Variants in POLR1E observed in about 807,000 individuals in gnomAD.
The protein encoded by POLR1E is RNA polymerase I subunit E, also known as DNA-directed RNA polymerase I subunit RPA49.
A neutral mutation model predicts 50.9 loss-of-function variants in POLR1E; 37 were observed. That is an observed-to-expected ratio of 0.73 (90% CI 0.56 to 0.96). The LOEUF (loss-of-function observed/expected upper bound fraction) is 0.96. POLR1E is among the 40% of genes least tolerant of loss of function. The pLI is 0.00. For missense variants in POLR1E, 426 were observed against 518.1 expected (o/e 0.82, Z 1.73); for synonymous variants, 166 against 191.6 (o/e 0.87, Z 1.10).
chr9:37,498,091 C>A lies in POLR1E; in HGVS notation c.753C>A (p.Ser251Arg). The A allele has an allele frequency of 6.2e-7, 1 of 1,613,452 alleles. No individual in the cohort carries two copies. The highest frequency in any genetic ancestry group is 8.5e-7 in the Non-Finnish European group (1 of 1,179,788). The change falls in exon 9 of 12, where the codon AGC (serine) becomes AGA (arginine). Residue 251 changes from serine (S) to arginine (R), a missense_variant and splice_region_variant. Physicochemically the swap from Ser to Arg is moderately radical, Grantham distance 110. Transcript: ENST00000377798. The stretch of plus-strand genomic sequence containing the variant: ...CCTCCTTTTCTTTTCCTTGTTTTAG[C>A]CATTGCACCTTTGTCATAGAAGCGT... ...EEILKMIEEN[S>R]HCTFVIEALK...
Position 37,489,362 on chromosome 9 carries a change from A to C in POLR1E, c.305A>C (p.Tyr102Ser). 6.2e-7 allele frequency: 1 copy of C among 1,600,150 alleles called. No individual in the cohort carries two copies. The highest frequency in any genetic ancestry group is 8.5e-7 in the Non-Finnish European group (1 of 1,176,884). The part of the protein sequence containing the change: ...LNKTSGQMEV[Y>S]DAELFNMQPL... ...AAGACCTCTGGCCAAATGGAAGTAT[A>C]TGATGCTGAATTGTTCAACATGCAG... Residue 102 changes from tyrosine (Y) to serine (S), a missense_variant, in exon 4 of 12, where the codon TAT (tyrosine) becomes TCT (serine). By Grantham distance (144) the Tyr-to-Ser change is moderately radical. Coordinates refer to ENST00000377798, the MANE Select transcript of POLR1E (RefSeq NM_022490.4).
At position 37,503,389 on chromosome 9, in the gene POLR1E, C is replaced by T; in HGVS notation, c.*187C>T. 1.8e-6 allele frequency: 1 copy of T among 560,228 alleles called. No individual in the cohort carries two copies. Among genetic ancestry groups the T allele is most frequent in the East Asian group, 3.4e-5 (1 of 29,140 alleles). The allele number at this position is 560,228 out of a possible 1,614,324, so 34.7% of individuals were successfully genotyped here. A position where few individuals can be genotyped will look rare whatever the true frequency, so the allele number is the denominator to read the frequency against. ...CTCAGGAGTTTGAAACCAGTCTGGACAACATAGGGAGACCCCATCTCTACC... is the reference window on the plus strand; with the variant it reads ...CTCAGGAGTTTGAAACCAGTCTGGATAACATAGGGAGACCCCATCTCTACC... On this transcript the variant is annotated 3_prime_UTR_variant, in exon 12 of 12. Transcript: ENST00000377798.
At chr9:37,490,600 G>A (rs572230525) in intron 4 of POLR1E, 18 of 717,964 alleles carry the variant, frequency 2.5e-5, no homozygotes, top group South Asian at 8.6e-5. Context: ...AAGCTTTCTC[G>A]GCTCTTAGAG....
chr9:37,498,006 G>A, intron 8 of POLR1E, 85 bp from the exon 9 acceptor site: 1 of 1,482,208 alleles, frequency 6.7e-7, no homozygotes, highest in Non-Finnish European at 9.2e-7. Context: ...AGAGGCGCCT[G>A]CTGTTCTCGT....
intron 9 of POLR1E, among the ~76,000 whole-genome samples, chr9:37,500,636 G>T (rs893966032): frequency 2.0e-5 from 3 of 152,120 alleles, no homozygotes; most frequent in South Asian, 2.1e-4. Context: ...AGCATCTCTC[G>T]TGCAGGGCAA....
At chr9:37,491,422 A>G (rs147462984) in intron 4 of POLR1E, among the ~76,000 whole-genome samples, 15 of 152,224 alleles carry the variant, frequency 9.9e-5, no homozygotes, top group African/African-American at 3.4e-4. Flanking sequence ...TGATACACAA[A>G]TACATATATA....
intron 9 of POLR1E, among the ~76,000 whole-genome samples, chr9:37,499,814 T>G (rs1820847342): frequency 6.6e-6 from 1 of 151,194 alleles, no homozygotes; most frequent in Admixed American, 6.6e-5. Flanking sequence ...ATTACAGGCG[T>G]GAGCTACTGC....
At chr9:37,496,208 CAG>C (rs1820782944) in intron 8 of POLR1E, among the ~76,000 whole-genome samples, 1 of 152,094 alleles carries the variant, frequency 6.6e-6, no homozygotes, top group African/African-American at 2.4e-5. Flanking sequence ...TGCGACAGGG[CAG>C]AGGGTGGTGA....
intron 4 of POLR1E, among the ~76,000 whole-genome samples, chr9:37,491,557 G>A (rs889281386): frequency 4.6e-5 from 7 of 151,682 alleles, no homozygotes; most frequent in East Asian, 3.9e-4. Flanking sequence ...TCTGCCTCCC[G>A]GGTTCTAGCG....
chr9:37,501,027 T>A, intron 10 of POLR1E, 106 bp downstream of exon 10: 1 of 1,111,178 alleles, frequency 9.0e-7, no homozygotes. Flanking sequence ...GGAGATGCAG[T>A]GCTGAAAAGA....
intron 7 of POLR1E, 137 bp from the exon 8 acceptor site, chr9:37,495,753 C>T (rs755238048): frequency 5.1e-5 from 32 of 633,370 alleles, no homozygotes; most frequent in Non-Finnish European, 8.1e-5. Flanking sequence ...CCAAGCTCTG[C>T]CCCTATGTGA....
At chr9:37,492,366 C>A (rs1588801140) in intron 4 of POLR1E, 2 of 1,245,408 alleles carry the variant, frequency 1.6e-6, no homozygotes, top group African/African-American at 3.0e-5. Context: ...ACCTGGTGAA[C>A]TGACCTGGGG....
chr9:37,498,322 C>T lies in POLR1E; in HGVS notation c.886+98C>T, dbSNP rs1275277224. On this transcript the variant is annotated intron_variant, in intron 9 of 11. Transcript: ENST00000377798. The stretch of plus-strand genomic sequence containing the variant: ...TGATGAGAGAAGAAAATGGATATGT[C>T]TGTCCAAGTCTTTACTGTCAACTGT... 3 of 1,303,914 alleles carry T rather than the reference C, an allele frequency of 2.3e-6. No homozygotes were observed. In the Admixed American group the frequency reaches 6.6e-5, roughly 29 times the overall value. 80.8% of individuals were successfully genotyped at this position (1,303,914 alleles called of 1,614,324 possible).
At chr9:37,499,674 G>A (rs1432654062) in intron 9 of POLR1E, among the ~76,000 whole-genome samples, 3 of 150,978 alleles carry the variant, frequency 2.0e-5, no homozygotes, top group Non-Finnish European at 4.4e-5. Flanking sequence ...GATTACAGGC[G>A]GGCACCACCA....
chr9:37,490,006 G>T (rs1820651403), intron 4 of POLR1E, among the ~76,000 whole-genome samples: 1 of 145,782 alleles, frequency 6.9e-6, no homozygotes, highest in Non-Finnish European at 1.5e-5. Context: ...GAGGTCAGAG[G>T]TTCATAAAAG....
At chr9:37,493,514 A>G in intron 5 of POLR1E, 45 bp from the exon 6 acceptor site, 1 of 1,479,274 alleles carries the variant, frequency 6.8e-7, no homozygotes, top group Non-Finnish European at 9.1e-7. Flanking sequence ...GAGGGGCAGC[A>G]CCTACCTGTC....
intron 4 of POLR1E, 104 bp from the exon 5 acceptor site, chr9:37,492,553 G>C: frequency 8.8e-7 from 1 of 1,136,270 alleles, no homozygotes; most frequent in Non-Finnish European, 1.3e-6. Context: ...CTATAGTAAA[G>C]AAATCTATTA....
In POLR1E at chr9:37,489,350, A is replaced by C. The variant is rs1480209666; in HGVS notation, c.293A>C (p.Gln98Pro). ...GGAATTTTGAACAAGACCTCTGGCCAAATGGAAGTATATGATGCTGAATTG... is the reference window on the plus strand; with the variant it reads ...GGAATTTTGAACAAGACCTCTGGCCCAATGGAAGTATATGATGCTGAATTG... Reference protein sequence around the residue: ...FVGILNKTSGQMEVYDAELFN... With the variant: ...FVGILNKTSGPMEVYDAELFN... The change falls in exon 4 of 12, where the codon CAA becomes CCA. Residue 98 changes from glutamine to proline, a missense_variant. By Grantham distance (76) the Gln-to-Pro change is moderately conservative. Transcript: ENST00000377798. 6.2e-7 allele frequency: 1 copy of C among 1,602,544 alleles called. No homozygotes were observed. The highest frequency in any genetic ancestry group is 8.5e-7 in the Non-Finnish European group (1 of 1,177,342).
In POLR1E at chr9:37,486,785, G is replaced by T. The variant is rs772422848; in HGVS notation, c.159G>T (p.Arg53Ser). The change falls in exon 2 of 12, where the codon AGG becomes AGT. Residue 53 changes from arginine (R) to serine (S), a missense_variant. By Grantham distance (110) the Arg-to-Ser change is moderately radical (BLOSUM62 -1). Transcript: ENST00000377798. ...AGAACAAAGATTCCACCAACCCCAG[G>T]AAGAGGAATCAACGGATCCTGGTAA... Reference protein sequence around the residue: ...LYENKDSTNPRKRNQRILAAE... With the variant: ...LYENKDSTNPSKRNQRILAAE... The T allele has an allele frequency of 1.2e-6, 2 of 1,612,714 alleles. No homozygotes were observed. Among genetic ancestry groups the T allele is most frequent in the Non-Finnish European group, 1.7e-6 (2 of 1,179,782 alleles).
Sources: gnomAD v4.1 joint callset for allele counts (sites outside exome capture counted in the v4.1 genomes callset) on GRCh38, gnomAD v4.1.1 for gene constraint, MANE v1.5 for transcripts, NCBI Gene and HGNC (gene_info 2026-07-23, HGNC 2026-07-21) for gene names.